Variants in DACH2 observed in about 807,000 individuals in gnomAD.
DACH2 encodes the protein dachshund family transcription factor 2, also known as dachshund homolog 2.
A neutral mutation model predicts 35.8 loss-of-function variants in DACH2; 17 were observed. That is an observed-to-expected ratio of 0.48 (90% confidence interval 0.33 to 0.71). The LOEUF (loss-of-function observed/expected upper bound fraction) is 0.71, where lower values mean the gene tolerates loss of function less well. Ranked by LOEUF, DACH2 falls within the 30% of genes least tolerant of loss-of-function variation. The pLI, the probability that DACH2 is intolerant of heterozygous loss-of-function variation, is 0.02. For missense variants in DACH2, 469 were observed against 472.7 expected (o/e 0.99, Z 0.07); for synonymous variants, 195 against 177.3 (o/e 1.10, Z -0.79).
intron 3 of DACH2, among the ~76,000 whole-genome samples, chrX:86,576,473 T>C (rs773999845): frequency 1.8e-5 from 2 of 111,905 alleles, no homozygotes; most frequent in African/African-American, 3.2e-5. Context: ...ACATAAAATA[T>C]GTGAAATGTT....
chrX:86,365,834 G>A (rs1023986522), intron 1 of DACH2, among the ~76,000 whole-genome samples: 1 of 111,397 alleles, frequency 9.0e-6, no homozygotes, highest in African/African-American at 3.3e-5. Flanking sequence ...TTGAAGCCTA[G>A]TGAGGGAGAC....
chrX:86,465,222 G>T (rs1220827608), intron 2 of DACH2, among the ~76,000 whole-genome samples: 3 of 112,187 alleles, frequency 2.7e-5, no homozygotes, highest in Non-Finnish European at 5.6e-5. Context: ...TAGAGACAGA[G>T]ATTTACGTGA....
At chrX:86,535,383 C>A (rs2038783216) in intron 3 of DACH2, among the ~76,000 whole-genome samples, 1 of 111,377 alleles carries the variant, frequency 9.0e-6, no homozygotes, top group Admixed American at 9.6e-5. Context: ...ATATTCTAAG[C>A]CCCCCAGCCA....
chrX:86,299,562 A>T (rs1179782464), intron 1 of DACH2, among the ~76,000 whole-genome samples: 1 of 112,097 alleles, frequency 8.9e-6, no homozygotes, highest in Non-Finnish European at 1.9e-5. Flanking sequence ...ATTCAGGACA[A>T]TGGGGAGCTG....
chrX:86,475,257 T>C (rs1295905187), intron 2 of DACH2, among the ~76,000 whole-genome samples: 2 of 111,633 alleles, frequency 1.8e-5, no homozygotes, highest in African/African-American at 3.3e-5. Flanking sequence ...TAGGGATACA[T>C]TGAATCTGTA....
intron 1 of DACH2, among the ~76,000 whole-genome samples, chrX:86,176,168 G>C (rs1270499100): frequency 9.0e-6 from 1 of 111,334 alleles, no homozygotes; most frequent in Non-Finnish European, 1.9e-5. Context: ...TGTAGTGAAT[G>C]AGAATACATT....
chrX:86,160,883 A>G (rs1256521795), intron 1 of DACH2: 1 of 584,415 alleles, frequency 1.7e-6, no homozygotes, highest in East Asian at 3.3e-5. Context: ...TACCAATGCC[A>G]CCAATTTTGT....
rs141160071 is a variant in DACH2, at chrX:86,640,765, G to A, written c.641-10271G>A. On this transcript the variant is annotated intron_variant, in intron 3 of 11. Transcript: ENST00000373125. ...AAACATAGGGGAGCCACACAACCAA[G>A]CAAGGGTCTACCAACTGACCAGTAA... Among the ~76,000 whole-genome samples the A allele has an allele frequency of 6.9e-4, 77 of 111,290 alleles. No homozygotes were observed. The East Asian group carries it at 0.019, about 28-fold the overall frequency.
chrX:86,449,508 A>G (rs1220431249), intron 2 of DACH2, among the ~76,000 whole-genome samples: 1 of 111,713 alleles, frequency 9.0e-6, no homozygotes, highest in Non-Finnish European at 1.9e-5. Flanking sequence ...TTGAAGGGTA[A>G]GGACATATTA....
chrX:86,543,326 A>T (rs1314440696), intron 3 of DACH2, among the ~76,000 whole-genome samples: 1 of 111,908 alleles, frequency 8.9e-6, no homozygotes, highest in Admixed American at 9.5e-5. Flanking sequence ...TATAAAAGCA[A>T]TCCAAAGGAT....
chrX:86,481,558 T>C (rs769179079), intron 2 of DACH2: 2 of 112,500 alleles, frequency 1.8e-5, no homozygotes, highest in East Asian at 2.8e-4. Context: ...TCATAATGGC[T>C]GAAATTGAAA....
rs148059864 is a variant in DACH2 at position 86,373,908 on chromosome X, C to T, written c.489-2916C>T. ...AAGTACTTTCCTTTGTTTGAAGCAT[C>T]GGTTAAAGGAACAATCTCTTTAGTT... On this transcript the variant is annotated intron_variant, in intron 1 of 11. Transcript: ENST00000373125. Among the ~76,000 whole-genome samples the T allele has an allele frequency of 5.1e-3, 568 of 111,128 alleles. 5 individuals carry two copies. The highest frequency in any genetic ancestry group is 0.018 in the African/African-American group (549 of 30,704).
chrX:86,150,532 T>C (rs1191527063), intron 1 of DACH2, among the ~76,000 whole-genome samples: 2 of 111,787 alleles, frequency 1.8e-5, no homozygotes, highest in African/African-American at 6.5e-5. Flanking sequence ...TTTTCTTCAA[T>C]TGAGCAGTGT....
At chrX:86,813,937 A>T (rs1406768671) in intron 9 of DACH2, among the ~76,000 whole-genome samples, 1 of 112,027 alleles carries the variant, frequency 8.9e-6, no homozygotes, top group Non-Finnish European at 1.9e-5. Flanking sequence ...TTGCACCAGC[A>T]TCACCACATA....
intron 7 of DACH2, among the ~76,000 whole-genome samples, chrX:86,750,237 A>G (rs1399921581): frequency 9.0e-6 from 1 of 111,002 alleles, no homozygotes; most frequent in Non-Finnish European, 1.9e-5. Context: ...CTTTATATAG[A>G]TGTCTTTTAT....
At chrX:86,457,787 T>C (rs1156631104) in intron 2 of DACH2, among the ~76,000 whole-genome samples, 2 of 112,098 alleles carry the variant, frequency 1.8e-5, no homozygotes, top group African/African-American at 6.5e-5. Context: ...CTTGAGTAGA[T>C]GCGTGGGCAA....
At chrX:86,450,468 A>G (rs749329509) in intron 2 of DACH2, among the ~76,000 whole-genome samples, 2 of 111,138 alleles carry the variant, frequency 1.8e-5, no homozygotes, top group South Asian at 7.7e-4. Context: ...TATCCAGTCT[A>G]TCATTGATGG....
At chrX:86,326,438 G>A (rs368554341) in intron 1 of DACH2, among the ~76,000 whole-genome samples, 1 of 108,641 alleles carries the variant, frequency 9.2e-6, no homozygotes, top group East Asian at 2.9e-4. Context: ...CTGCACTCCA[G>A]TTCGGGTGAT....
intron 1 of DACH2, among the ~76,000 whole-genome samples, chrX:86,246,537 C>T (rs1347152322): frequency 8.9e-6 from 1 of 111,805 alleles, no homozygotes; most frequent in Non-Finnish European, 1.9e-5. Context: ...AAAAGGAATT[C>T]CAAACAAGAA....
Sources: gnomAD v4.1 joint callset for allele counts (sites outside exome capture counted in the v4.1 genomes callset) on GRCh38, gnomAD v4.1.1 for gene constraint, MANE v1.5 for transcripts, NCBI Gene and HGNC (gene_info 2026-07-23, HGNC 2026-07-21) for gene names.